Variants in ARHGEF4 observed in about 807,000 individuals in gnomAD.
ARHGEF4 encodes the protein APC-stimulated guanine nucleotide exchange factor 1.
ARHGEF4 carries 119 observed loss-of-function variants against 162.0 expected under a neutral mutation model. The observed-to-expected ratio is 0.73, with a 90% CI of 0.63 to 0.86. The LOEUF (loss-of-function observed/expected upper bound fraction) is 0.86, where lower values mean the gene tolerates loss of function less well. Among genes scored for constraint, ARHGEF4 ranks in the 40% least tolerant of loss-of-function variants. ARHGEF4 has a pLI of 0.00. For missense variants in ARHGEF4, 2,488 were observed against 2,456.0 expected (o/e 1.01, Z -0.28); for synonymous variants, 1,014 against 979.9 (o/e 1.03, Z -0.65).
chr2:130,936,281 C>T (rs1682940176), intron 3 of ARHGEF4, among the ~76,000 whole-genome samples: 1 of 152,174 alleles, frequency 6.6e-6, no homozygotes, highest in South Asian at 2.1e-4. Flanking sequence ...GTGTTGAAGT[C>T]TCCAACTATT....
intron 4 of ARHGEF4, among the ~76,000 whole-genome samples, chr2:131,014,489 A>G (rs891094394): frequency 2.6e-5 from 4 of 152,216 alleles, no homozygotes; most frequent in South Asian, 2.1e-4. Context: ...CATTAAACCT[A>G]TGCATCCATT....
At chr2:130,922,940 A>ATT (rs1553514188) in intron 2 of ARHGEF4, among the ~76,000 whole-genome samples, 2 of 149,148 alleles carry the variant, frequency 1.3e-5, no homozygotes, top group South Asian at 2.1e-4. Context: ...ATATATATAT[A>ATT]TTTTGTTTGA....
chr2:130,869,529 T>C (rs549493250), intron 1 of ARHGEF4, among the ~76,000 whole-genome samples: 63 of 152,304 alleles, frequency 4.1e-4, no homozygotes, highest in African/African-American at 1.4e-3. Flanking sequence ...AGCTATTTGA[T>C]TGTGCCCAGC....
intron 4 of ARHGEF4, among the ~76,000 whole-genome samples, chr2:131,006,460 G>A (rs921294320): frequency 3.9e-5 from 6 of 152,308 alleles, no homozygotes; most frequent in South Asian, 4.1e-4. Context: ...CCTTAGCAGC[G>A]GCCCAGGAGC....
Position 131,011,821 on chromosome 2 carries a change from G to A in ARHGEF4, c.3986-16124G>A, listed in dbSNP as rs1227935491. The A allele has an allele frequency of 6.7e-6, 5 of 751,018 alleles. No homozygotes were observed. In the Admixed American group the frequency reaches 1.0e-4, roughly 15 times the overall value. 46.5% of individuals were successfully genotyped at this position (751,018 alleles called of 1,614,324 possible). A position where few individuals can be genotyped will look rare whatever the true frequency, so the allele number is the denominator to read the frequency against. On this transcript the variant is annotated intron_variant, in intron 4 of 13. Transcript: ENST00000409359. ...TTTACCAAGGACCGCTCAGGGTATT[G>A]TGCAGAGGGAAGACCAGCTGGAGGT...
chr2:130,938,234 T>G (rs2105125510), intron 3 of ARHGEF4, among the ~76,000 whole-genome samples: 1 of 152,338 alleles, frequency 6.6e-6, no homozygotes, highest in South Asian at 2.1e-4. Flanking sequence ...TTTAGTTTGA[T>G]AAGAATCTTC....
At position 130,942,140 on chromosome 2, in the gene ARHGEF4, T is replaced by A. The variant is rs1003565745; in HGVS notation, c.3859-4369T>A. 6.7e-4 allele frequency among the ~76,000 whole-genome samples: 86 copies of A among 127,786 alleles called. 1 individual carries two copies. The highest frequency in any genetic ancestry group is 1.5e-3 in the Admixed American group (20 of 13,780). 83.8% of individuals were successfully genotyped at this position (127,786 alleles called of 152,430 possible). Reference sequence around the variant, plus strand: ...AGTCAAATATGGTTTGGTAGTTTTTTTTTTCTTTTTTCTTTTTTTTTTTTT... The same window carrying A: ...AGTCAAATATGGTTTGGTAGTTTTTATTTTCTTTTTTCTTTTTTTTTTTTT... On this transcript the variant is annotated intron_variant, in intron 3 of 13. Transcript: ENST00000409359.
chr2:130,895,025 A>G (rs1331612865), intron 1 of ARHGEF4, among the ~76,000 whole-genome samples: 2 of 152,192 alleles, frequency 1.3e-5, no homozygotes, highest in Non-Finnish European at 2.9e-5. Context: ...TTGCATAACT[A>G]TCCCCACAAT....
chr2:130,853,456 C>T (rs1160516836), intron 1 of ARHGEF4, among the ~76,000 whole-genome samples: 1 of 152,204 alleles, frequency 6.6e-6, no homozygotes, highest in East Asian at 1.9e-4. Flanking sequence ...CCTTTCTGAA[C>T]CTCAATCATG....
Position 130,872,357 on chromosome 2 carries a change from G to A in ARHGEF4, c.39+35365G>A, listed in dbSNP as rs546121191. 5.3e-5 allele frequency among the ~76,000 whole-genome samples: 8 copies of A among 152,248 alleles called. No homozygotes were observed. The East Asian group carries it at 1.2e-3, about 22-fold the overall frequency. On this transcript the variant is annotated intron_variant, in intron 1 of 13. Coordinates refer to ENST00000409359, the MANE Select transcript of ARHGEF4 (RefSeq NM_001367493.1). ...AAGGCACCAGGAGCATGCGACTGAC[G>A]GCAGATGAACGTTTGAAATTGAGGC...
intron 4 of ARHGEF4, among the ~76,000 whole-genome samples, chr2:130,976,268 A>C (rs188941320): frequency 1.3e-5 from 2 of 152,120 alleles, no homozygotes; most frequent in Admixed American, 6.5e-5. Context: ...GTGGTTAAAC[A>C]TCGCAGAGCC....
intron 1 of ARHGEF4, among the ~76,000 whole-genome samples, chr2:130,853,227 G>C (rs976272740): frequency 2.0e-5 from 3 of 152,312 alleles, no homozygotes; most frequent in South Asian, 2.1e-4. Flanking sequence ...TAGCTACTGT[G>C]CACGTGGCCA....
At chr2:130,957,227 G>A (rs1684343563) in intron 4 of ARHGEF4, among the ~76,000 whole-genome samples, 2 of 151,218 alleles carry the variant, frequency 1.3e-5, no homozygotes, top group Admixed American at 6.6e-5. Flanking sequence ...TAGAAGAGGA[G>A]GGAACACTTC....
At chr2:130,982,599 C>CCCT (rs1443835235) in intron 4 of ARHGEF4, among the ~76,000 whole-genome samples, 3 of 96,824 alleles carry the variant, frequency 3.1e-5, no homozygotes, top group Non-Finnish European at 5.4e-5. Flanking sequence ...CTCCTCCTTT[C>CCCT]CCTCCTCCTC....
chr2:130,884,065 T>C lies in ARHGEF4; in HGVS notation c.40-29921T>C, dbSNP rs188537436. ...CCTACTGATTTTATGCAAAGTTATTTTATGTTGTGATGGCAAGAAGTGTGT... is the reference window on the plus strand; with the variant it reads ...CCTACTGATTTTATGCAAAGTTATTCTATGTTGTGATGGCAAGAAGTGTGT... On this transcript the variant is annotated intron_variant, in intron 1 of 13. Transcript: ENST00000409359. Among the ~76,000 whole-genome samples the C allele has an allele frequency of 2.0e-5, 3 of 152,230 alleles. 1 individual carries two copies. The highest frequency in any genetic ancestry group is 1.3e-4 in the Admixed American group (2 of 15,308).
At position 130,916,104 on chromosome 2, in the gene ARHGEF4, C is replaced by T; in HGVS notation, c.2158C>T (p.Gln720Ter). The change falls in exon 2 of 14, where the codon CAA (glutamine) becomes TAA (stop). Residue 720 changes from glutamine to a stop codon, truncating the protein, a stop_gained. Coordinates refer to ENST00000409359, the MANE Select transcript of ARHGEF4 (RefSeq NM_001367493.1). LOFTEE classifies it high-confidence loss of function. ...AGAGCTTGGGAGAGTGCTGGTCCCC[C>T]AAGCTGCTTCGGAAGAGACGCCGAG... ...AAELGRVLVP[Q>*]AASEETPSTE... 1 of 1,550,062 alleles carries T rather than the reference C, an allele frequency of 6.5e-7. No individual in the cohort carries two copies. Among genetic ancestry groups the T allele is most frequent in the African/African-American group, 1.4e-5 (1 of 73,156 alleles).
intron 5 of ARHGEF4, among the ~76,000 whole-genome samples, chr2:131,036,850 T>A (rs904790211): frequency 1.3e-5 from 2 of 152,144 alleles, no homozygotes; most frequent in Admixed American, 6.5e-5. Flanking sequence ...CTCACTGGTG[T>A]CCCCAGACCG....
chr2:130,856,410 G>C lies in ARHGEF4; in HGVS notation c.39+19418G>C, dbSNP rs879359396. Among the ~76,000 whole-genome samples, 57 of 152,072 alleles carry C rather than the reference G, an allele frequency of 3.7e-4. 1 individual carries two copies. Among genetic ancestry groups the C allele is most frequent in the Non-Finnish European group, 1.6e-4 (11 of 68,018 alleles). On this transcript the variant is annotated intron_variant, in intron 1 of 13. Transcript: ENST00000409359. ...GGGGATAAAAGGAGAGGAGAAGGTA[G>C]AATAAAATAATTCCCAGATATAAAA...
At chr2:130,923,752 A>G (rs1682041366) in intron 2 of ARHGEF4, among the ~76,000 whole-genome samples, 1 of 152,234 alleles carries the variant, frequency 6.6e-6, no homozygotes, top group African/African-American at 2.4e-5. Context: ...CCAAGTCTCA[A>G]CTGATGAGGA....
Sources: gnomAD v4.1 joint callset for allele counts (sites outside exome capture counted in the v4.1 genomes callset) on GRCh38, gnomAD v4.1.1 for gene constraint, MANE v1.5 for transcripts, NCBI Gene and HGNC (gene_info 2026-07-23, HGNC 2026-07-21) for gene names.